The following PDE7B variants were observed in gnomAD, a reference collection of about 807,000 sequenced individuals.
PDE7B encodes the protein 3',5'-cyclic-AMP phosphodiesterase 7B.
PDE7B carries 29 observed loss-of-function variants against 56.2 expected under a neutral mutation model. The observed-to-expected ratio is 0.52, with a 90% CI of 0.38 to 0.70. The LOEUF (loss-of-function observed/expected upper bound fraction) is 0.70. Among genes scored for constraint, PDE7B ranks in the 30% least tolerant of loss-of-function variants. The pLI is 0.00. For missense variants in PDE7B, 490 were observed against 565.0 expected (o/e 0.87, Z 1.35); for synonymous variants, 197 against 196.9 (o/e 1.00, Z 0.00).
At chr6:135,906,105 C>T (rs1366680075) in intron 1 of PDE7B, among the ~76,000 whole-genome samples, 5 of 152,098 alleles carry the variant, frequency 3.3e-5, no homozygotes, top group Non-Finnish European at 7.3e-5. Flanking sequence ...AGTGTGCCCA[C>T]AATGACATGA....
intron 1 of PDE7B, among the ~76,000 whole-genome samples, chr6:135,882,692 G>T (rs7768967): frequency 0.13 from 19,530 of 152,076 alleles, 3,530 homozygotes; most frequent in African/African-American, 0.41. Context: ...TAATTTTTGT[G>T]CTGTGTGAGC....
At position 136,022,517 on chromosome 6, in the gene PDE7B, C is replaced by T. The variant is rs952864645; in HGVS notation, c.82+74993C>T. ...ACCTCATCTTTTTTCCATTTGGGGGCACCTATTTATTATTGCTTCTGTGGA... is the reference window on the plus strand; with the variant it reads ...ACCTCATCTTTTTTCCATTTGGGGGTACCTATTTATTATTGCTTCTGTGGA... On this transcript the variant is annotated intron_variant, in intron 2 of 12. Coordinates refer to ENST00000308191, the MANE Select transcript of PDE7B (RefSeq NM_018945.4). Among the ~76,000 whole-genome samples the T allele has an allele frequency of 5.9e-5, 9 of 152,154 alleles. No homozygotes were observed. The East Asian group carries it at 1.5e-3, about 26-fold the overall frequency.
At chr6:135,901,872 C>A (rs1374794350) in intron 1 of PDE7B, among the ~76,000 whole-genome samples, 1 of 152,082 alleles carries the variant, frequency 6.6e-6, no homozygotes, top group African/African-American at 2.4e-5. Context: ...ATCCCGTTGT[C>A]CTGAGCTGAG....
intron 2 of PDE7B, among the ~76,000 whole-genome samples, chr6:136,007,295 G>T (rs11154844): frequency 0.28 from 43,009 of 152,044 alleles, 7,424 homozygotes; most frequent in Admixed American, 0.41. Flanking sequence ...TTGATGTGCT[G>T]CTGGATTCAG....
At chr6:135,955,398 T>C (rs971318965) in intron 2 of PDE7B, among the ~76,000 whole-genome samples, 1 of 151,958 alleles carries the variant, frequency 6.6e-6, no homozygotes, top group Non-Finnish European at 1.5e-5. Flanking sequence ...GGACAGCCCA[T>C]TGGGAAAGGT....
chr6:136,016,773 A>G (rs1775985572), intron 2 of PDE7B, among the ~76,000 whole-genome samples: 1 of 152,182 alleles, frequency 6.6e-6, no homozygotes, highest in African/African-American at 2.4e-5. Context: ...AGAAAAAAAA[A>G]ATGGCTGTTC....
intron 2 of PDE7B, among the ~76,000 whole-genome samples, chr6:136,005,514 G>A (rs576155739): frequency 2.0e-5 from 3 of 152,058 alleles, no homozygotes; most frequent in African/African-American, 4.8e-5. Context: ...ACAAGAAAAA[G>A]ACAAACAACC....
At chr6:136,009,084 A>T (rs1775840844) in intron 2 of PDE7B, among the ~76,000 whole-genome samples, 3 of 151,974 alleles carry the variant, frequency 2.0e-5, no homozygotes, top group Admixed American at 2.0e-4. Flanking sequence ...CCATTTATTA[A>T]ATAGGGAATC....
rs778011411 is a variant in PDE7B at position 136,173,899 on chromosome 6, C to T, written c.803+11C>T. 22 of 1,586,776 alleles carry T rather than the reference C, an allele frequency of 1.4e-5. No homozygotes were observed. The Admixed American group carries it at 2.3e-4, about 17-fold the overall frequency. The stretch of plus-strand genomic sequence containing the variant: ...GCCAAAGGAAATGACGTAAGTGCTG[C>T]CGAGATGAAACATACTGATGTGCAT... On this transcript the variant is annotated intron_variant, in intron 9 of 12. Transcript: ENST00000308191.
At chr6:136,161,431 TTGC>T (rs535151702) in intron 8 of PDE7B, among the ~76,000 whole-genome samples, 61 of 152,322 alleles carry the variant, frequency 4.0e-4, no homozygotes, top group African/African-American at 1.4e-3. Context: ...CTGCTTATTA[TTGC>T]AGTCTTACTA....
intron 1 of PDE7B, among the ~76,000 whole-genome samples, chr6:135,928,204 GT>G (rs1390386551): frequency 3.3e-5 from 5 of 151,648 alleles, no homozygotes; most frequent in Non-Finnish European, 7.4e-5. Flanking sequence ...ATGTAAATTA[GT>G]TTAGCTACTG....
At chr6:135,989,340 G>A (rs1181768684) in intron 2 of PDE7B, among the ~76,000 whole-genome samples, 3 of 152,124 alleles carry the variant, frequency 2.0e-5, no homozygotes, top group Non-Finnish European at 4.4e-5. Flanking sequence ...AGGGCCGAGC[G>A]CGATGGCTCA....
chr6:136,132,085 G>C (rs1243966326), intron 3 of PDE7B, among the ~76,000 whole-genome samples: 1 of 152,082 alleles, frequency 6.6e-6, no homozygotes, highest in Non-Finnish European at 1.5e-5. Context: ...AAATTTTTAA[G>C]TATATAGTAC....
At chr6:136,149,733 CTAT>C (rs1179411477) in intron 5 of PDE7B, among the ~76,000 whole-genome samples, 1 of 152,074 alleles carries the variant, frequency 6.6e-6, no homozygotes, top group East Asian at 1.9e-4. Flanking sequence ...AATAAAAAAC[CTAT>C]TATATTTTTA....
At chr6:136,070,246 A>C (rs994988917) in intron 2 of PDE7B, 1 of 152,188 alleles carries the variant, frequency 6.6e-6, no homozygotes, top group South Asian at 2.1e-4. Flanking sequence ...CAACAGGAAC[A>C]GTGTAATTAA....
At chr6:136,106,724 T>C (rs1777650294) in intron 2 of PDE7B, among the ~76,000 whole-genome samples, 1 of 152,152 alleles carries the variant, frequency 6.6e-6, no homozygotes, top group Non-Finnish European at 1.5e-5. Flanking sequence ...AGAAGATAAA[T>C]ATACTGTCAT....
intron 9 of PDE7B, among the ~76,000 whole-genome samples, chr6:136,175,074 A>G (rs75697122): frequency 0.022 from 3,425 of 152,236 alleles, 122 homozygotes; most frequent in African/African-American, 0.077. Context: ...GGGTGACCAG[A>G]CTTCTCCTGG....
At chr6:136,003,894 A>G (rs1218683874) in intron 2 of PDE7B, among the ~76,000 whole-genome samples, 1 of 152,190 alleles carries the variant, frequency 6.6e-6, no homozygotes, top group Non-Finnish European at 1.5e-5. Context: ...GCAGAGACAC[A>G]ACCAAAAAAG....
intron 2 of PDE7B, among the ~76,000 whole-genome samples, chr6:136,092,337 A>G (rs1777400683): frequency 6.6e-6 from 1 of 152,258 alleles, no homozygotes; most frequent in African/African-American, 2.4e-5. Context: ...ATTTGCAGAT[A>G]TGTTTGCAAA....
Sources: gnomAD v4.1 joint callset for allele counts (sites outside exome capture counted in the v4.1 genomes callset) on GRCh38, gnomAD v4.1.1 for gene constraint, MANE v1.5 for transcripts, NCBI Gene and HGNC (gene_info 2026-07-23, HGNC 2026-07-21) for gene names.